Variants in GABBR2 observed in about 807,000 individuals in gnomAD.
GABBR2 encodes the protein G-protein coupled receptor 51.
A neutral mutation model predicts 105.6 loss-of-function variants in GABBR2; 23 were observed. The ratio of observed to expected loss-of-function variants is 0.22; its 90% CI spans 0.16 to 0.31. The LOEUF (loss-of-function observed/expected upper bound fraction) is 0.31, where lower values mean the gene tolerates loss of function less well. GABBR2 is among the 10% of genes least tolerant of loss of function. GABBR2 has a pLI of 1.00. For missense variants in GABBR2, 734 were observed against 1,245.5 expected, an observed-to-expected ratio of 0.59 and a Z score of 6.18; for synonymous variants, 478 against 499.7, an observed-to-expected ratio of 0.96 and a Z score of 0.58.
chr9:98,346,980 T>G (rs1012409111), intron 13 of GABBR2, among the ~76,000 whole-genome samples: 2 of 152,226 alleles, frequency 1.3e-5, no homozygotes, highest in African/African-American at 4.8e-5. Flanking sequence ...TCCATTTTTC[T>G]GTTGATGGAC....
At chr9:98,650,848 A>G (rs1376742825) in intron 1 of GABBR2, among the ~76,000 whole-genome samples, 1 of 152,222 alleles carries the variant, frequency 6.6e-6, no homozygotes, top group East Asian at 1.9e-4. Context: ...TTCCACTTAC[A>G]TGAGGTTCCT....
At chr9:98,576,937 T>TGGATGGAA (rs1554718758) in intron 2 of GABBR2, among the ~76,000 whole-genome samples, 14 of 151,136 alleles carry the variant, frequency 9.3e-5, no homozygotes, top group African/African-American at 2.9e-4. Flanking sequence ...GATGGATGGA[T>TGGATGGAA]GGATGGATGG....
At chr9:98,605,610 A>G (rs1395540321) in intron 1 of GABBR2, among the ~76,000 whole-genome samples, 1 of 152,134 alleles carries the variant, frequency 6.6e-6, no homozygotes, top group African/African-American at 2.4e-5. Context: ...TATGGCAAGG[A>G]GTGCCTCTAG....
At chr9:98,424,720 C>T (rs909760572) in intron 7 of GABBR2, among the ~76,000 whole-genome samples, 14 of 151,664 alleles carry the variant, frequency 9.2e-5, no homozygotes, top group African/African-American at 3.1e-4. Flanking sequence ...CATGAGTGAA[C>T]TCCCATTCAC....
At chr9:98,554,894 G>A (rs953785364) in intron 2 of GABBR2, among the ~76,000 whole-genome samples, 1 of 152,204 alleles carries the variant, frequency 6.6e-6, no homozygotes, top group African/African-American at 2.4e-5. Context: ...AGAAAGCAGT[G>A]TGGCTCATAA....
chr9:98,372,085 C>A (rs1302538365), intron 11 of GABBR2, among the ~76,000 whole-genome samples: 1 of 152,230 alleles, frequency 6.6e-6, no homozygotes, highest in African/African-American at 2.4e-5. Context: ...GGACTGAGGC[C>A]CTGTCTGGCT....
In GABBR2 at chr9:98,417,792, G is replaced by C. The variant is rs951885231; in HGVS notation, c.1237-11651C>G. Among the ~76,000 whole-genome samples, 31 of 152,168 alleles carry C rather than the reference G, an allele frequency of 2.0e-4. 1 individual carries two copies. The highest frequency in any genetic ancestry group is 2.9e-5 in the Non-Finnish European group (2 of 68,026). The stretch of plus-strand genomic sequence containing the variant: ...TTGCTAGGAGAGAGTGGGTACAGAG[G>C]GCTGGCAGCACAAAGGAAGGGCACC... On this transcript the variant is annotated intron_variant, in intron 7 of 18. Transcript: ENST00000259455.
At chr9:98,664,456 A>G (rs1002424271) in intron 1 of GABBR2, among the ~76,000 whole-genome samples, 1 of 152,364 alleles carries the variant, frequency 6.6e-6, no homozygotes, top group Non-Finnish European at 1.5e-5. Context: ...CAGGTACACG[A>G]TATGTGGCCA....
intron 7 of GABBR2, among the ~76,000 whole-genome samples, chr9:98,436,633 C>T (rs569931814): frequency 2.6e-5 from 4 of 151,138 alleles, no homozygotes; most frequent in Non-Finnish European, 4.4e-5. Context: ...CTCCATGCCC[C>T]GTGCTCCTCC....
At position 98,306,235 on chromosome 9, in the gene GABBR2, G is replaced by A. The variant is rs374267671; in HGVS notation, c.2115C>T (p.Ile705=). 2.7e-5 allele frequency: 43 copies of A among 1,614,122 alleles called. No individual in the cohort carries two copies. Among genetic ancestry groups the A allele is most frequent in the Non-Finnish European group, 3.2e-5 (38 of 1,179,956 alleles). The change falls in exon 15 of 19, where the codon ATC becomes ATT. Residue 705 remains isoleucine (I), a synonymous_variant. Transcript: ENST00000259455. This position sits in a 1 kb window ranked among gnomAD's most constrained non-coding sequence, Gnocchi z 5.4. ...SVYNVGIMCI[I]GAAVSFLTRD... ...GGGTCAGGAAGGAGACAGCGGCCCC[G>A]ATGATGCACATGATCCCCACGTTGT... is the stretch of plus-strand genomic sequence containing the variant.
At chr9:98,431,515 T>A (rs931950173) in intron 7 of GABBR2, among the ~76,000 whole-genome samples, 1 of 152,006 alleles carries the variant, frequency 6.6e-6, no homozygotes, top group Non-Finnish European at 1.5e-5. Flanking sequence ...AGCACAGTTA[T>A]GAAGTTTGGA....
intron 1 of GABBR2, among the ~76,000 whole-genome samples, chr9:98,612,663 G>A (rs1284440966): frequency 6.6e-6 from 1 of 152,154 alleles, no homozygotes; most frequent in Non-Finnish European, 1.5e-5. Flanking sequence ...AGCAATGATA[G>A]CTGAAATACA....
intron 1 of GABBR2, among the ~76,000 whole-genome samples, chr9:98,586,286 T>TTC (rs1274391428): frequency 1.1e-4 from 9 of 80,106 alleles, no homozygotes; most frequent in Admixed American, 2.3e-4. Flanking sequence ...TTTTCTTTCT[T>TTC]TTTTTTTTTT....
At chr9:98,673,376 T>C (rs1040474152) in intron 1 of GABBR2, among the ~76,000 whole-genome samples, 5 of 152,178 alleles carry the variant, frequency 3.3e-5, no homozygotes, top group African/African-American at 1.2e-4. Flanking sequence ...AAATGCTACA[T>C]GTGCAGAGGA....
At chr9:98,482,119 T>C (rs1407442982) in intron 4 of GABBR2, among the ~76,000 whole-genome samples, 1 of 152,222 alleles carries the variant, frequency 6.6e-6, no homozygotes, top group Non-Finnish European at 1.5e-5. Flanking sequence ...TTGCAGGTGG[T>C]GCCACCTTCC....
At chr9:98,434,431 C>T (rs574034597) in intron 7 of GABBR2, among the ~76,000 whole-genome samples, 1 of 152,292 alleles carries the variant, frequency 6.6e-6, no homozygotes, top group South Asian at 2.1e-4. Context: ...CAGTGGTGTG[C>T]TGGTAAATGT....
At chr9:98,324,690 G>T (rs984943204) in intron 13 of GABBR2, among the ~76,000 whole-genome samples, 2 of 152,212 alleles carry the variant, frequency 1.3e-5, no homozygotes, top group Non-Finnish European at 2.9e-5. Flanking sequence ...TGCTGGCGGT[G>T]TGTGGGGATA....
intron 2 of GABBR2, among the ~76,000 whole-genome samples, chr9:98,565,144 A>C (rs572572513): frequency 6.6e-6 from 1 of 152,308 alleles, no homozygotes; most frequent in Non-Finnish European, 1.5e-5. Context: ...GACTTTACAC[A>C]GGCCACATCA....
At chr9:98,371,042 C>G (rs1831771975) in intron 12 of GABBR2, among the ~76,000 whole-genome samples, 1 of 152,090 alleles carries the variant, frequency 6.6e-6, no homozygotes, top group Non-Finnish European at 1.5e-5. Context: ...ACCCTGTCCC[C>G]ACAAGCCCTA....
Sources: allele counts gnomAD v4.1 joint callset (sites outside exome capture counted in the v4.1 genomes callset), GRCh38; gene constraint gnomAD v4.1.1; non-coding constraint Gnocchi (gnomAD v3.1); transcripts MANE v1.5; gene names NCBI Gene and HGNC (gene_info 2026-07-23, HGNC 2026-07-21).